The following RHBDD3 variants were observed in gnomAD, a reference collection of about 807,000 sequenced individuals.
The protein encoded by RHBDD3 is rhomboid domain-containing protein 3.
A neutral mutation model predicts 32.3 loss-of-function variants in RHBDD3; 34 were observed. The ratio of observed to expected loss-of-function variants is 1.05; its 90% CI spans 0.80 to 1.40. The LOEUF is 1.40. RHBDD3 is among the 40% of genes most tolerant of loss of function. The pLI is 0.00. For synonymous variants in RHBDD3, 249 were observed against 239.1 expected (o/e 1.04, Z -0.38); for missense variants, 482 against 492.6 (o/e 0.98, Z 0.20).
chr22:29,267,168 G>A (rs991132955), intron 2 of RHBDD3, among the ~76,000 whole-genome samples: 3 of 152,226 alleles, frequency 2.0e-5, no homozygotes, highest in Non-Finnish European at 4.4e-5. Context: ...CGCGGACCCG[G>A]GCATCCACCT....
chr22:29,264,391 A>G (rs1023162993), intron 3 of RHBDD3, 173 bp from the exon 4 acceptor site: 1 of 1,425,446 alleles, frequency 7.0e-7, no homozygotes, highest in Non-Finnish European at 9.2e-7. Context: ...GAAGGGACCA[A>G]GGACTTCCAA....
Position 29,265,647 on chromosome 22 carries a change from A to G in RHBDD3, c.-21T>C. 3 of 1,570,506 alleles carry G rather than the reference A, an allele frequency of 1.9e-6. No homozygotes were observed. Among genetic ancestry groups the G allele is most frequent in the Non-Finnish European group, 2.6e-6 (3 of 1,164,896 alleles). On this transcript the variant is annotated 5_prime_UTR_variant, in exon 3 of 7. Coordinates refer to ENST00000216085, the MANE Select transcript of RHBDD3 (RefSeq NM_012265.3). ...TGCATCGCTTGGTTGAGGACGGTCA[A>G]GGGTGGTCCTGGGGCTGTGTGCTGG... is the stretch of plus-strand genomic sequence containing the variant.
chr22:29,260,349 G>C lies in RHBDD3; in HGVS notation c.960C>G (p.Ser320=). Residue 320 remains serine, a synonymous_variant, in exon 6 of 7, where the codon TCC becomes TCG. Coordinates refer to ENST00000216085, the MANE Select transcript of RHBDD3 (RefSeq NM_012265.3). ...ACCGCAGAGAGGAGACAGAGGACTT[G>C]GACAGCCATGGTGCGCTCTGGGGTT... ...AQEPQSAPWL[S]KSSVSSLRLQ... is the part of the protein sequence containing the mutation. The C allele has an allele frequency of 6.2e-7, 1 of 1,610,426 alleles. No individual in the cohort carries two copies. Among genetic ancestry groups the C allele is most frequent in the East Asian group, 2.2e-5 (1 of 44,842 alleles).
chr22:29,260,077 C>T lies in RHBDD3; in HGVS notation c.1144G>A (p.Gly382Ser), dbSNP rs1305112518. 6.4e-7 allele frequency: 1 copy of T among 1,566,334 alleles called. No homozygotes were observed. The highest frequency in any genetic ancestry group is 2.4e-5 in the East Asian group (1 of 41,974). Reference protein sequence around the residue: ...HGKGGPAHSEGPGPP With the variant: ...HGKGGPAHSESPGPP ...TGCCTGGGCTAGGGAGGCCCAGGAC[C>T]CTCGGAGTGGGCAGGCCCACCCTTT... The change falls in exon 7 of 7, where the codon GGT (glycine) becomes AGT (serine). Residue 382 changes from glycine to serine, a missense_variant. Transcript: ENST00000216085.
At position 29,265,628 on chromosome 22, in the gene RHBDD3, G is replaced by C. The variant is rs375122918; in HGVS notation, c.-2C>G. On this transcript the variant is annotated 5_prime_UTR_variant, in exon 3 of 7. Coordinates refer to ENST00000216085, the MANE Select transcript of RHBDD3 (RefSeq NM_012265.3). ...GCCATGGGGGCCCCTGGCATGCATC[G>C]CTTGGTTGAGGACGGTCAAGGGTGG... 3.2e-6 allele frequency: 5 copies of C among 1,584,686 alleles called. No homozygotes were observed. In the Admixed American group the frequency reaches 9.3e-5, roughly 30 times the overall value.
At position 29,263,818 on chromosome 22, in the gene RHBDD3, G is replaced by A; in HGVS notation, c.532+17C>T. 6 of 1,503,766 alleles carry A rather than the reference G, an allele frequency of 4.0e-6. No individual in the cohort carries two copies. The highest frequency in any genetic ancestry group is 5.4e-6 in the Non-Finnish European group (6 of 1,119,632). The allele number at this position is 1,503,766 out of a possible 1,614,324, so 93.2% of individuals were successfully genotyped here. A position where few individuals can be genotyped will look rare whatever the true frequency, so the allele number is the denominator to read the frequency against. ...ACCCACACATCCCCACGGGCCCTGG[G>A]CTCAGGCAAAGGATACAGGCCAGGC... On this transcript the variant is annotated intron_variant, in intron 4 of 6. Transcript: ENST00000216085.
upstream of RHBDD3, chr22:29,268,072 C>G (rs575859456): frequency 1.5e-5 from 9 of 582,472 alleles, no homozygotes; most frequent in African/African-American, 5.6e-5. Flanking sequence ...TCCGGTTTCA[C>G]GCTGAGACCC....
intron 4 of RHBDD3, chr22:29,261,071 C>G: frequency 3.2e-6 from 2 of 627,418 alleles, no homozygotes; most frequent in Non-Finnish European, 5.5e-6. Flanking sequence ...CTCAGCCAAA[C>G]AGAGCCAGGT....
chr22:29,263,145 A>C (rs2058138621), intron 4 of RHBDD3, among the ~76,000 whole-genome samples: 1 of 152,214 alleles, frequency 6.6e-6, no homozygotes, highest in Non-Finnish European at 1.5e-5. Context: ...CACAGGTTCA[A>C]GTGATTCTCC....
At chr22:29,264,496 T>C (rs2058155507) in intron 3 of RHBDD3, 4 of 1,237,042 alleles carry the variant, frequency 3.2e-6, no homozygotes, top group Non-Finnish European at 4.0e-6. Flanking sequence ...ACTCACTATG[T>C]CCCAGACACC....
At chr22:29,260,966 T>C in intron 4 of RHBDD3, 102 bp from the exon 5 acceptor site, 3 of 1,137,106 alleles carry the variant, frequency 2.6e-6, no homozygotes, top group East Asian at 5.2e-5. Flanking sequence ...CTGGCCACCA[T>C]TCCCTCCCGT....
rs767460360 is a variant in RHBDD3 at position 29,260,888 on chromosome 22, C to G, written c.533-24G>C. On this transcript the variant is annotated intron_variant, in intron 4 of 6. Coordinates refer to ENST00000216085, the MANE Select transcript of RHBDD3 (RefSeq NM_012265.3). Reference sequence around the variant, plus strand: ...ATCTGTCTGCCCGGGGCAGGGCGGCCGGTCAAGGAAAACCAAAAGCAGCCA... The same window carrying G: ...ATCTGTCTGCCCGGGGCAGGGCGGCGGGTCAAGGAAAACCAAAAGCAGCCA... The G allele has an allele frequency of 4.6e-6, 7 of 1,526,642 alleles. No individual in the cohort carries two copies. In the Admixed American group the frequency reaches 1.5e-4, roughly 32 times the overall value. The allele number at this position is 1,526,642 out of a possible 1,614,324, so 94.6% of individuals were successfully genotyped here. A position where few individuals can be genotyped will look rare whatever the true frequency, so the allele number is the denominator to read the frequency against.
chr22:29,266,900 T>G, intron 2 of RHBDD3, among the ~76,000 whole-genome samples: 1 of 152,162 alleles, frequency 6.6e-6, no homozygotes, highest in East Asian at 1.9e-4. Context: ...AAACTCCTAT[T>G]TCACCCTTGG....
upstream of RHBDD3, chr22:29,268,152 G>A: frequency 9.9e-6 from 7 of 706,728 alleles, no homozygotes; most frequent in Non-Finnish European, 1.8e-5. Context: ...CTTTAGAGAG[G>A]ACTGGGACAA....
chr22:29,263,835 A>G lies in RHBDD3; in HGVS notation c.532T>C (p.Tyr178His), dbSNP rs1057384158. 4 of 1,524,400 alleles carry G rather than the reference A, an allele frequency of 2.6e-6. No homozygotes were observed. The highest frequency in any genetic ancestry group is 3.5e-6 in the Non-Finnish European group (4 of 1,130,212). 94.4% of individuals were successfully genotyped at this position (1,524,400 alleles called of 1,614,324 possible). ...GGCCCTGGGCTCAGGCAAAGGATAC[A>G]GGCCAGGCCGGCAAGGAGGCCGCAA... ...LLCGLLAGLA[Y>H]AAGAFRWLEP... is the part of the protein sequence containing the mutation. Residue 178 changes from tyrosine to histidine, a missense_variant and splice_region_variant, in exon 4 of 7, where the codon TAT becomes CAT. Coordinates refer to ENST00000216085, the MANE Select transcript of RHBDD3 (RefSeq NM_012265.3).
At chr22:29,261,383 G>T (rs748854525) in intron 4 of RHBDD3, 1 of 460,908 alleles carries the variant, frequency 2.2e-6, no homozygotes, top group Non-Finnish European at 4.4e-6. Context: ...GATCACTTGA[G>T]GCCAGGAGTT....
chr22:29,261,406 GGGC>G (rs1156745787), intron 4 of RHBDD3: 1 of 456,608 alleles, frequency 2.2e-6, no homozygotes, highest in Non-Finnish European at 4.4e-6. Flanking sequence ...AGACCAGCCT[GGGC>G]AACATAGACC....
chr22:29,268,034 A>C (rs1485396259), upstream of RHBDD3: 1 of 516,278 alleles, frequency 1.9e-6, no homozygotes, highest in African/African-American at 1.9e-5. Flanking sequence ...AACCATTCCA[A>C]ACAGCCTAGT....
chr22:29,265,503 C>G lies in RHBDD3; in HGVS notation c.124G>C (p.Glu42Gln), dbSNP rs756061672. Residue 42 changes from glutamate to glutamine, a missense_variant, in exon 3 of 7, where the codon GAG (glutamate) becomes CAG (glutamine). Coordinates refer to ENST00000216085, the MANE Select transcript of RHBDD3 (RefSeq NM_012265.3). ...GAGPGLVLAP[E>Q]LLLDPWQVHR... ...CCCTGCCAGGGGTCCAGCAACAGCT[C>G]CGGGGCCAGGACCAGGCCGGGGCCG... 7 of 1,548,726 alleles carry G rather than the reference C, an allele frequency of 4.5e-6. No homozygotes were observed. In the South Asian group the frequency reaches 7.3e-5, roughly 16 times the overall value.
Sources: allele counts gnomAD v4.1 joint callset (sites outside exome capture counted in the v4.1 genomes callset), GRCh38; gene constraint gnomAD v4.1.1; transcripts MANE v1.5; gene names NCBI Gene and HGNC (gene_info 2026-07-23, HGNC 2026-07-21).